The following NDUFS4 variants were observed in gnomAD, a reference collection of about 807,000 sequenced individuals.
NDUFS4 encodes the protein NADH dehydrogenase [ubiquinone] iron-sulfur protein 4, mitochondrial.
NDUFS4 carries 28 observed loss-of-function variants against 24.3 expected under a neutral mutation model. The ratio of observed to expected loss-of-function variants is 1.15; its 90% CI spans 0.85 to 1.58. The LOEUF is 1.58. NDUFS4 is among the 40% of genes most tolerant of loss of function. The pLI is 0.00. For missense variants in NDUFS4, 223 were observed against 207.9 expected (o/e 1.07, Z -0.45); for synonymous variants, 93 against 69.7 (o/e 1.34, Z -1.67).
intron 4 of NDUFS4, among the ~76,000 whole-genome samples, chr5:53,682,444 T>C (rs1740697763): frequency 6.6e-6 from 1 of 152,076 alleles, no homozygotes; most frequent in African/African-American, 2.4e-5. Context: ...CCAGAGATTC[T>C]GATCTAGTGG....
intron 2 of NDUFS4, among the ~76,000 whole-genome samples, chr5:53,634,442 C>G (rs1172895781): frequency 6.6e-6 from 1 of 152,160 alleles, no homozygotes; most frequent in East Asian, 1.9e-4. Context: ...TAGTTCTTTA[C>G]TGCCATACCT....
chr5:53,606,290 G>A (rs568787366), intron 2 of NDUFS4, among the ~76,000 whole-genome samples: 14 of 152,254 alleles, frequency 9.2e-5, no homozygotes, highest in African/African-American at 3.4e-4. Context: ...AGCATTGCTC[G>A]GCTTGTGAGG....
chr5:53,605,493 G>A (rs1750470529), intron 2 of NDUFS4, among the ~76,000 whole-genome samples: 1 of 152,138 alleles, frequency 6.6e-6, no homozygotes, highest in African/African-American at 2.4e-5. Flanking sequence ...ATACAAGAGA[G>A]GTAGACAGAC....
intron 2 of NDUFS4, among the ~76,000 whole-genome samples, chr5:53,645,858 T>C (rs547055502): frequency 4.8e-4 from 73 of 152,338 alleles, no homozygotes; most frequent in Non-Finnish European, 7.9e-4. Flanking sequence ...CCCCTTTTCA[T>C]ATTTCCTTTG....
intron 2 of NDUFS4, among the ~76,000 whole-genome samples, chr5:53,643,552 C>T (rs1013170138): frequency 3.3e-5 from 5 of 152,058 alleles, no homozygotes; most frequent in Admixed American, 6.6e-5. Context: ...TTAATGGAAT[C>T]TTGGAGTGGG....
chr5:53,646,527 G>T, intron 3 of NDUFS4, 122 bp downstream of exon 3: 1 of 985,612 alleles, frequency 1.0e-6, no homozygotes, highest in Non-Finnish European at 1.6e-6. Flanking sequence ...TTTTGACGCT[G>T]TTAAGTACCA....
chr5:53,609,598 CCTTTGAAG>C (rs1232590157), intron 2 of NDUFS4, among the ~76,000 whole-genome samples: 12 of 152,134 alleles, frequency 7.9e-5, no homozygotes, highest in Admixed American at 7.9e-4. Flanking sequence ...GTCAGCCTGT[CCTTTGAAG>C]CTTTGAAGCC....
intron 1 of NDUFS4, among the ~76,000 whole-genome samples, chr5:53,578,255 T>C (rs564514616): frequency 6.6e-6 from 1 of 152,334 alleles, no homozygotes; most frequent in East Asian, 1.9e-4. Context: ...AGTTACTGCT[T>C]GTAAGTGGCC....
intron 4 of NDUFS4, among the ~76,000 whole-genome samples, chr5:53,671,142 A>AATC (rs966139689): frequency 6.6e-6 from 1 of 152,026 alleles, no homozygotes; most frequent in African/African-American, 2.4e-5. Flanking sequence ...TTCCCCCATT[A>AATC]ATCATCTGTT....
At chr5:53,573,447 G>A (rs1234402349) in intron 1 of NDUFS4, among the ~76,000 whole-genome samples, 1 of 152,020 alleles carries the variant, frequency 6.6e-6, no homozygotes, top group Non-Finnish European at 1.5e-5. Flanking sequence ...CCATAAACAT[G>A]GTATGTCTCT....
intron 4 of NDUFS4, among the ~76,000 whole-genome samples, chr5:53,665,569 C>T (rs1434957675): frequency 6.6e-6 from 1 of 152,216 alleles, no homozygotes; most frequent in Non-Finnish European, 1.5e-5. Flanking sequence ...GCAGTTTGAT[C>T]TCAGACTCCT....
At position 53,560,678 on chromosome 5, in the gene NDUFS4, A is replaced by C. The variant is rs759267388; in HGVS notation, c.16A>C (p.Met6Leu). ...CTGCAGCAAGATGGCGGCGGTGTCA[A>C]TGTCAGTGGTACTGAGGCAGACGTT... Reference protein sequence around the residue: MAAVSMSVVLRQTLWR... With the variant: MAAVSLSVVLRQTLWR... Residue 6 changes from methionine to leucine, a missense_variant, in exon 1 of 5, where the codon ATG becomes CTG. Transcript: ENST00000296684. 3 of 1,614,122 alleles carry C rather than the reference A, an allele frequency of 1.9e-6. No homozygotes were observed. The highest frequency in any genetic ancestry group is 2.2e-5 in the East Asian group (1 of 44,892).
chr5:53,646,208 GTTTT>G (rs763027449), intron 2 of NDUFS4, 21 bp from the exon 3 acceptor site: 1 of 1,531,808 alleles, frequency 6.5e-7, no homozygotes, highest in East Asian at 2.3e-5. Flanking sequence ...TTTGAAACGT[GTTTT>G]TTTTTCTTGT....
intron 4 of NDUFS4, among the ~76,000 whole-genome samples, chr5:53,680,368 T>C (rs1220543472): frequency 6.6e-6 from 1 of 152,162 alleles, no homozygotes; most frequent in East Asian, 1.9e-4. Flanking sequence ...CTATAAATCA[T>C]GCTGCTATAA....
At position 53,572,847 on chromosome 5, in the gene NDUFS4, T is replaced by C. The variant is rs191449330; in HGVS notation, c.98+12087T>C. 6.0e-3 allele frequency among the ~76,000 whole-genome samples: 919 copies of C among 152,170 alleles called. 11 individuals are homozygous for C. The highest frequency in any genetic ancestry group is 0.021 in the African/African-American group (880 of 41,538). Reference sequence around the variant, plus strand: ...CTTTAGTAGAGACGGGGTTTCACCATGTTGGCCAGGCTGGTCTCGAACTCC... The same window carrying C: ...CTTTAGTAGAGACGGGGTTTCACCACGTTGGCCAGGCTGGTCTCGAACTCC... On this transcript the variant is annotated intron_variant, in intron 1 of 4. Transcript: ENST00000296684.
chr5:53,600,543 A>T (rs945612109), intron 1 of NDUFS4, among the ~76,000 whole-genome samples: 2 of 152,170 alleles, frequency 1.3e-5, no homozygotes, highest in Non-Finnish European at 2.9e-5. Context: ...TCCTGACCTC[A>T]GGTGATCCAC....
intron 1 of NDUFS4, among the ~76,000 whole-genome samples, chr5:53,587,120 G>A (rs947044885): frequency 6.6e-6 from 1 of 151,856 alleles, no homozygotes; most frequent in African/African-American, 2.4e-5. Flanking sequence ...CATTGCACCC[G>A]GCCGAGTTAT....
chr5:53,610,709 G>A (rs1477021168), intron 2 of NDUFS4, among the ~76,000 whole-genome samples: 1 of 152,080 alleles, frequency 6.6e-6, no homozygotes, highest in Non-Finnish European at 1.5e-5. Flanking sequence ...ATTCTCCTAA[G>A]TCTTCTCTTT....
intron 1 of NDUFS4, among the ~76,000 whole-genome samples, chr5:53,573,133 C>T (rs1308985265): frequency 6.6e-6 from 1 of 151,370 alleles, no homozygotes; most frequent in East Asian, 2.0e-4. Flanking sequence ...CACCATGCCT[C>T]GCTAATTTTT....
Sources: gnomAD v4.1 joint callset for allele counts (sites outside exome capture counted in the v4.1 genomes callset) on GRCh38, gnomAD v4.1.1 for gene constraint, MANE v1.5 for transcripts, NCBI Gene and HGNC (gene_info 2026-07-23, HGNC 2026-07-21) for gene names.